NRG4: variants seen among roughly 807,000 people sequenced by gnomAD.
NRG4 encodes pro-neuregulin-4, membrane-bound isoform.
A neutral mutation model predicts 15.0 loss-of-function variants in NRG4; 10 were observed. The ratio of observed to expected loss-of-function variants is 0.67; its 90% confidence interval spans 0.41 to 1.13. The LOEUF is 1.13. Among genes scored for constraint, NRG4 ranks in the 50% most tolerant of loss-of-function variants. The probability of loss-of-function intolerance (pLI) is 0.00; values close to 1 mark genes in which losing one functional copy is unlikely to be tolerated. For synonymous variants in NRG4, 41 were observed against 50.1 expected (o/e 0.82, Z 0.77); for missense variants, 139 against 140.2 (o/e 0.99, Z 0.04).
At chr15:76,051,935 T>C (rs1045066277) in intron 4 of NRG4, 1 of 150,864 alleles carries the variant, frequency 6.6e-6, no homozygotes, top group Admixed American at 6.6e-5. Flanking sequence ...AAATTAAAAA[T>C]TACGGAATTT....
At chr15:75,954,265 G>GTTTTTTTTTTTTTT (rs774149763) in intron 5 of NRG4, among the ~76,000 whole-genome samples, 1 of 136,026 alleles carries the variant, frequency 7.4e-6, no homozygotes, top group African/African-American at 2.7e-5. Context: ...TTGTTTTTTT[G>GTTTTTTTTTTTTTT]TTTTTTTTTT....
intron 3 of NRG4, among the ~76,000 whole-genome samples, chr15:75,966,843 G>A (rs576866231): frequency 7.2e-5 from 11 of 152,192 alleles, no homozygotes; most frequent in South Asian, 2.1e-4. Context: ...TCAGCTGGGC[G>A]CGGTGGCTCA....
intron 3 of NRG4, among the ~76,000 whole-genome samples, chr15:75,978,186 A>G (rs1192006609): frequency 4.0e-5 from 6 of 151,730 alleles, no homozygotes; most frequent in African/African-American, 1.5e-4. Context: ...ACCTCTCTTC[A>G]TTTTCCCCAC....
chr15:76,040,220 GA>G (rs2035699361), intron 4 of NRG4, among the ~76,000 whole-genome samples: 1 of 152,170 alleles, frequency 6.6e-6, no homozygotes. Context: ...TCTGGCAGCA[GA>G]CTTTTCAGTG....
At chr15:75,980,383 ATTTT>A (rs5813815) in intron 3 of NRG4, among the ~76,000 whole-genome samples, 2 of 142,290 alleles carry the variant, frequency 1.4e-5, no homozygotes, top group Non-Finnish European at 1.5e-5. Context: ...TTCTTTGGGG[ATTTT>A]TTTTTTTTTT....
intron 5 of NRG4, among the ~76,000 whole-genome samples, chr15:75,950,019 G>C (rs187145152): frequency 6.6e-6 from 1 of 152,268 alleles, no homozygotes; most frequent in East Asian, 1.9e-4. Context: ...CACCTGTTGG[G>C]ATTTTGTCTG....
chr15:76,019,206 C>T (rs769631093), intron 5 of NRG4, among the ~76,000 whole-genome samples: 3 of 152,146 alleles, frequency 2.0e-5, no homozygotes, highest in East Asian at 1.9e-4. Context: ...CATCCCAGGT[C>T]GACTTCAGAC....
At chr15:75,957,303 G>A (rs1057039803) in intron 4 of NRG4, among the ~76,000 whole-genome samples, 1 of 152,102 alleles carries the variant, frequency 6.6e-6, no homozygotes, top group Non-Finnish European at 1.5e-5. Context: ...TTTACTGAGG[G>A]ATAACTCTCT....
intron 5 of NRG4, among the ~76,000 whole-genome samples, chr15:76,019,730 A>G (rs1379038452): frequency 1.3e-5 from 2 of 151,782 alleles, no homozygotes; most frequent in Non-Finnish European, 2.9e-5. Flanking sequence ...GAAATGCAGA[A>G]ATCACCCGCC....
chr15:76,050,882 T>C (rs2035991365), intron 4 of NRG4, among the ~76,000 whole-genome samples: 1 of 150,016 alleles, frequency 6.7e-6, no homozygotes, highest in Non-Finnish European at 1.5e-5. Context: ...CATAGCCCAC[T>C]GCAGCCTCGA....
rs369592105 is a variant in NRG4, at chr15:76,021,975, G to A, written c.-56-10689C>T. ...TCATCTGGCATTAGATTCCCATAAA[G>A]AGCACGCAATCTGGATCCCTCACAT... On this transcript the variant is annotated intron_variant, in intron 5 of 8. Transcript: ENST00000563910. Among the ~76,000 whole-genome samples, 118 of 152,302 alleles carry A rather than the reference G, an allele frequency of 7.7e-4. 1 individual carries two copies. The highest frequency in any genetic ancestry group is 2.4e-3 in the African/African-American group (101 of 41,562).
intron 4 of NRG4, 64 bp from the exon 5 acceptor site, chr15:75,956,075 C>T: frequency 1.1e-6 from 1 of 897,974 alleles, no homozygotes; most frequent in South Asian, 1.4e-5. Flanking sequence ...GTCAGAAGAC[C>T]TAGAAAGAAA....
intron 5 of NRG4, among the ~76,000 whole-genome samples, chr15:75,952,849 G>A (rs1400641769): frequency 6.6e-6 from 1 of 151,842 alleles, no homozygotes; most frequent in Non-Finnish European, 1.5e-5. Context: ...AAAATGAGTT[G>A]TTTCTTCATT....
chr15:75,982,729 C>A (rs2033652111), intron 3 of NRG4, among the ~76,000 whole-genome samples: 2 of 152,170 alleles, frequency 1.3e-5, no homozygotes, highest in Non-Finnish European at 2.9e-5. Flanking sequence ...TGGAAGAACT[C>A]TTTCTGATCT....
At chr15:76,016,659 C>G (rs1482329827), upstream of NRG4, among the ~76,000 whole-genome samples, 1 of 152,184 alleles carries the variant, frequency 6.6e-6, no homozygotes, top group African/African-American at 2.4e-5. Flanking sequence ...GAGTGAGTTT[C>G]TTAATCCTGA....
intron 3 of NRG4, among the ~76,000 whole-genome samples, chr15:75,987,711 T>C (rs902200986): frequency 2.0e-5 from 3 of 152,222 alleles, no homozygotes; most frequent in Admixed American, 1.3e-4. Flanking sequence ...AGCCATCTTG[T>C]CTATGGTATT....
intron 3 of NRG4, among the ~76,000 whole-genome samples, chr15:75,962,520 A>T (rs2032574886): frequency 6.6e-6 from 1 of 152,190 alleles, no homozygotes; most frequent in South Asian, 2.1e-4. Context: ...CTGCTTCAAT[A>T]CTGTTACTTT....
intron 5 of NRG4, among the ~76,000 whole-genome samples, chr15:76,019,103 G>A (rs376302479): frequency 2.6e-5 from 4 of 151,932 alleles, no homozygotes; most frequent in Non-Finnish European, 5.9e-5. Flanking sequence ...CACCTAGTTC[G>A]AACTTCCAGG....
At chr15:75,987,245 G>T (rs1032919933) in intron 3 of NRG4, among the ~76,000 whole-genome samples, 3 of 152,262 alleles carry the variant, frequency 2.0e-5, no homozygotes, top group East Asian at 1.9e-4. Flanking sequence ...AGAGTAAAAG[G>T]CTGCTCCCAA....
Sources: allele counts gnomAD v4.1 joint callset (sites outside exome capture counted in the v4.1 genomes callset), GRCh38; gene constraint gnomAD v4.1.1; transcripts MANE v1.5; gene names NCBI Gene and HGNC (gene_info 2026-07-23, HGNC 2026-07-21).